The following ACAD11 variants were observed in gnomAD, a reference collection of about 807,000 sequenced individuals.
The protein encoded by ACAD11 is acyl-Coenzyme A dehydrogenase family, member 11.
Under a neutral mutation model 102.2 loss-of-function variants are expected in ACAD11, and 83 were observed. The ratio of observed to expected loss-of-function variants is 0.81; its 90% CI spans 0.68 to 0.97. ACAD11 has a LOEUF of 0.97. Ranked by LOEUF, ACAD11 falls within the 50% of genes least tolerant of loss-of-function variation. The pLI is 0.00. For missense variants in ACAD11, 901 were observed against 951.7 expected (o/e 0.95, Z 0.70); for synonymous variants, 324 against 319.8 (o/e 1.01, Z -0.14).
intron 8 of ACAD11, chr3:132,627,149 G>T (rs1006419016): frequency 7.7e-5 from 13 of 168,410 alleles, no homozygotes; most frequent in Non-Finnish European, 1.4e-4. Context: ...TGCACACTGG[G>T]GGAATGGGGT....
chr3:132,628,219 A>G (rs994758884), intron 8 of ACAD11, 121 bp downstream of exon 8: 9 of 525,098 alleles, frequency 1.7e-5, no homozygotes, highest in Non-Finnish European at 2.6e-5. Flanking sequence ...ATCTATTGTG[A>G]TTGGCAGCAG....
At chr3:132,565,864 TC>T (rs1416665210) in intron 17 of ACAD11, among the ~76,000 whole-genome samples, 1 of 152,164 alleles carries the variant, frequency 6.6e-6, no homozygotes, top group East Asian at 1.9e-4. Flanking sequence ...TCCTGAGGTC[TC>T]CCCAGAAATA....
chr3:132,615,486 T>C (rs557457452), intron 11 of ACAD11, among the ~76,000 whole-genome samples: 39 of 152,316 alleles, frequency 2.6e-4, no homozygotes, highest in African/African-American at 9.4e-4. Flanking sequence ...CATGGAATAC[T>C]ATGCAGCCAT....
At chr3:132,607,280 A>G (rs913151003) in intron 11 of ACAD11, among the ~76,000 whole-genome samples, 23 of 152,198 alleles carry the variant, frequency 1.5e-4, no homozygotes, top group African/African-American at 5.5e-4. Context: ...GAGTTTGACG[A>G]ATTGACAGAA....
rs183677216 is a variant in ACAD11 at position 132,565,989 on chromosome 3, C to T, written c.2002-4772G>A. Among the ~76,000 whole-genome samples, 150 of 152,202 alleles carry T rather than the reference C, an allele frequency of 9.9e-4. 1 individual carries two copies. Among genetic ancestry groups the T allele is most frequent in the Non-Finnish European group, 1.6e-3 (112 of 68,014 alleles). ...TTAATAGCACTATAAAATGGACTAACACACCCAGATAACAGAGATGTTAGA... is the reference window on the plus strand; with the variant it reads ...TTAATAGCACTATAAAATGGACTAATACACCCAGATAACAGAGATGTTAGA... On this transcript the variant is annotated intron_variant, in intron 17 of 19. Coordinates refer to ENST00000264990, the MANE Select transcript of ACAD11 (RefSeq NM_032169.5).
intron 9 of ACAD11, among the ~76,000 whole-genome samples, chr3:132,622,947 T>C (rs762109410): frequency 1.3e-5 from 2 of 152,256 alleles, no homozygotes; most frequent in Non-Finnish European, 2.9e-5. Flanking sequence ...GAAAGTATGA[T>C]TAATGTTACC....
intron 11 of ACAD11, among the ~76,000 whole-genome samples, chr3:132,611,812 T>C (rs549274498): frequency 1.3e-5 from 2 of 152,132 alleles, no homozygotes; most frequent in East Asian, 1.9e-4. Context: ...AGGTAATTTA[T>C]AGATTCAATG....
At chr3:132,605,035 G>T in intron 12 of ACAD11, 63 bp downstream of exon 12, 1 of 1,258,370 alleles carries the variant, frequency 7.9e-7, no homozygotes, top group Non-Finnish European at 1.1e-6. Flanking sequence ...TATTTCTTCA[G>T]CTCATCCATA....
intron 13 of ACAD11, chr3:132,600,251 A>G (rs1178276480): frequency 1.4e-6 from 1 of 713,442 alleles, no homozygotes; most frequent in East Asian, 2.8e-5. Context: ...AAGCATTTCA[A>G]AGAGTGCTAG....
chr3:132,605,280 G>T, intron 11 of ACAD11, 75 bp from the exon 12 acceptor site: 1 of 920,644 alleles, frequency 1.1e-6, no homozygotes, highest in Non-Finnish European at 1.7e-6. Context: ...TATGTAGAGA[G>T]TATAGAAATG....
At chr3:132,650,840 G>A (rs1940902778) in intron 1 of ACAD11, among the ~76,000 whole-genome samples, 1 of 151,922 alleles carries the variant, frequency 6.6e-6, no homozygotes, top group South Asian at 2.1e-4. Flanking sequence ...ATCAATACCA[G>A]AAGTCCCAAA....
intron 5 of ACAD11, among the ~76,000 whole-genome samples, chr3:132,634,501 T>C (rs1407664918): frequency 1.3e-5 from 2 of 152,154 alleles, no homozygotes; most frequent in East Asian, 3.9e-4. Flanking sequence ...AGTGTGGCGA[T>C]TCCTCAGGGA....
intron 14 of ACAD11, 64 bp downstream of exon 14, chr3:132,579,428 A>G (rs2107794854): frequency 7.7e-7 from 1 of 1,303,660 alleles, no homozygotes; most frequent in East Asian, 2.3e-5. Flanking sequence ...TAAGTAAATT[A>G]CCTAGATAGG....
In ACAD11 at chr3:132,628,392, A is replaced by G; in HGVS notation, c.1018T>C (p.Phe340Leu). Residue 340 changes from phenylalanine to leucine, a missense_variant, in exon 8 of 20, where the codon TTT becomes CTT. Transcript: ENST00000264990. Reference protein sequence around the residue: ...GNNSSEDSFLFANIVQPLAET... With the variant: ...GNNSSEDSFLLANIVQPLAET... ...GCCAGAGGTTGCACAATATTGGCAA[A>G]TAAAAAGCTATCCTCAGATGAATTA... is the stretch of plus-strand genomic sequence containing the variant. 1 of 1,613,422 alleles carries G rather than the reference A, an allele frequency of 6.2e-7. No individual in the cohort carries two copies. Among genetic ancestry groups the G allele is most frequent in the Non-Finnish European group, 8.5e-7 (1 of 1,179,708 alleles).
In ACAD11 at chr3:132,653,553, G is replaced by A. The variant is rs570310684; in HGVS notation, c.149+6050C>T. Among the ~76,000 whole-genome samples, 218 of 152,194 alleles carry A rather than the reference G, an allele frequency of 1.4e-3. 1 individual carries two copies. The highest frequency in any genetic ancestry group is 5.2e-3 in the African/African-American group (214 of 41,512). On this transcript the variant is annotated intron_variant, in intron 1 of 19. Transcript: ENST00000264990. The stretch of plus-strand genomic sequence containing the variant: ...ATTACTGTCATCAGCATACAAATAT[G>A]ATGTTATTTTTTAAAAAGCTTTCTC...
At position 132,559,009 on chromosome 3, in the gene ACAD11, G is replaced by C; in HGVS notation, c.2305C>G (p.Leu769Val). The C allele has an allele frequency of 6.2e-7, 1 of 1,613,756 alleles. No homozygotes were observed. The highest frequency in any genetic ancestry group is 8.5e-7 in the Non-Finnish European group (1 of 1,179,796). ...VHLSAIATME[L>V]RDQAKRLTAK... ...GTCAGTCTTTTGGCTTGGTCCCGCA[G>C]CTCCATTGTTGCGATTGCTGAAAGA... The change falls in exon 20 of 20, where the codon CTG becomes GTG. Residue 769 changes from leucine to valine, a missense_variant. Coordinates refer to ENST00000264990, the MANE Select transcript of ACAD11 (RefSeq NM_032169.5).
intron 13 of ACAD11, chr3:132,600,884 A>AT (rs1343277085): frequency 6.2e-7 from 1 of 1,613,544 alleles, no homozygotes; most frequent in African/African-American, 1.3e-5. Flanking sequence ...CTGTGTCTGG[A>AT]TGGCTGCCAT....
Position 132,586,094 on chromosome 3 carries a change from A to G in ACAD11, c.1622-6536T>C, listed in dbSNP as rs1937808614. On this transcript the variant is annotated intron_variant, in intron 13 of 19. Transcript: ENST00000264990. Reference sequence around the variant, plus strand: ...TAGCAAAGACTTGGAACCAACCCAAATGTCCAATAATGATAGACTGGATTA... The same window carrying G: ...TAGCAAAGACTTGGAACCAACCCAAGTGTCCAATAATGATAGACTGGATTA... Among the ~76,000 whole-genome samples, 16 of 152,338 alleles carry G rather than the reference A, an allele frequency of 1.1e-4. No individual in the cohort carries two copies. The South Asian group carries it at 2.9e-3, about 28-fold the overall frequency.
chr3:132,581,433 T>C (rs1937595896), intron 13 of ACAD11, among the ~76,000 whole-genome samples: 1 of 151,944 alleles, frequency 6.6e-6, no homozygotes. Flanking sequence ...CCCAGGAAAG[T>C]ATTATCTGAA....
Sources: gnomAD v4.1 joint callset for allele counts (sites outside exome capture counted in the v4.1 genomes callset) on GRCh38, gnomAD v4.1.1 for gene constraint, MANE v1.5 for transcripts, NCBI Gene and HGNC (gene_info 2026-07-23, HGNC 2026-07-21) for gene names.